Variants in NKAIN2 observed in about 807,000 individuals in gnomAD.
NKAIN2 encodes sodium/potassium transporting ATPase interacting 2, also known as sodium/potassium-transporting ATPase subunit beta-1-interacting protein 2.
Under a neutral mutation model 32.6 loss-of-function variants are expected in NKAIN2, and 14 were observed. The observed-to-expected ratio is 0.43, with a 90% CI of 0.28 to 0.67. NKAIN2 has a LOEUF of 0.67. Ranked by LOEUF, NKAIN2 falls within the 30% of genes least tolerant of loss-of-function variation. The probability of loss-of-function intolerance (pLI) is 0.17; values close to 1 mark genes in which losing one functional copy is unlikely to be tolerated. For synonymous variants in NKAIN2, 80 were observed against 87.2 expected (o/e 0.92, Z 0.46); for missense variants, 198 against 258.3 (o/e 0.77, Z 1.60).
At chr6:124,618,607 G>A (rs527948679) in intron 3 of NKAIN2, among the ~76,000 whole-genome samples, 104 of 152,262 alleles carry the variant, frequency 6.8e-4, no homozygotes, top group African/African-American at 2.4e-3. Context: ...TTCTCCAAAT[G>A]AAAAGAGCCA....
At chr6:124,048,112 G>A (rs1253713278) in intron 1 of NKAIN2, among the ~76,000 whole-genome samples, 1 of 151,936 alleles carries the variant, frequency 6.6e-6, no homozygotes, top group Non-Finnish European at 1.5e-5. Context: ...ATGGCTTCTG[G>A]TGCCTCTTCT....
chr6:123,912,665 G>A (rs1442655523), intron 1 of NKAIN2, among the ~76,000 whole-genome samples: 1 of 152,130 alleles, frequency 6.6e-6, no homozygotes, highest in East Asian at 1.9e-4. Flanking sequence ...GCCAGGTGAT[G>A]CCTACTCCCC....
At chr6:124,067,665 G>A (rs1205362479) in intron 1 of NKAIN2, among the ~76,000 whole-genome samples, 1 of 152,064 alleles carries the variant, frequency 6.6e-6, no homozygotes, top group African/African-American at 2.4e-5. Context: ...ATTTCTCTGT[G>A]TGGTATAGTG....
At chr6:124,203,838 G>T (rs1192182629) in intron 1 of NKAIN2, among the ~76,000 whole-genome samples, 1 of 151,802 alleles carries the variant, frequency 6.6e-6, no homozygotes, top group Non-Finnish European at 1.5e-5. Context: ...TAAGTGTCAC[G>T]AAAGATGAAA....
chr6:123,860,999 C>T (rs1051687658), intron 1 of NKAIN2, among the ~76,000 whole-genome samples: 3 of 152,188 alleles, frequency 2.0e-5, no homozygotes, highest in African/African-American at 7.2e-5. Flanking sequence ...AGGTGTTCTT[C>T]ACAGGTATCC....
rs554874264 is a variant in NKAIN2, at chr6:124,356,457, G to A, written c.273+1110G>A. Among the ~76,000 whole-genome samples the A allele has an allele frequency of 2.0e-4, 31 of 152,276 alleles. 1 individual carries two copies. In the South Asian group the frequency reaches 4.4e-3, roughly 21 times the overall value. Reference sequence around the variant, plus strand: ...CAAAAGATGAAGGATCAAATAGGAGGATGACATCATGATATGAGAGAGAAC... The same window carrying A: ...CAAAAGATGAAGGATCAAATAGGAGAATGACATCATGATATGAGAGAGAAC... On this transcript the variant is annotated intron_variant, in intron 3 of 6. Transcript: ENST00000368417.
At chr6:124,819,878 T>G (rs757113967) in intron 6 of NKAIN2, among the ~76,000 whole-genome samples, 3 of 152,158 alleles carry the variant, frequency 2.0e-5, no homozygotes, top group Non-Finnish European at 2.9e-5. Context: ...AACAGTCTGA[T>G]AGCTCCCCTT....
chr6:124,357,197 G>A (rs1799023569), intron 3 of NKAIN2, among the ~76,000 whole-genome samples: 3 of 151,950 alleles, frequency 2.0e-5, no homozygotes, highest in Non-Finnish European at 4.4e-5. Flanking sequence ...GCTCTGCAGA[G>A]CACATGAAAA....
At position 124,293,430 on chromosome 6, in the gene NKAIN2, C is replaced by T. The variant is rs562628934; in HGVS notation, c.192+10288C>T. Among the ~76,000 whole-genome samples, 17 of 151,834 alleles carry T rather than the reference C, an allele frequency of 1.1e-4. No homozygotes were observed. In the South Asian group the frequency reaches 2.3e-3, roughly 20 times the overall value. On this transcript the variant is annotated intron_variant, in intron 2 of 6. Coordinates refer to ENST00000368417, the MANE Select transcript of NKAIN2 (RefSeq NM_001040214.3). ...TACTTGTAATATTTTTAAAATTATG[C>T]GGCCTTAAGAAAATAAATTGGGGAA...
At chr6:124,336,434 C>CT (rs1015552739) in intron 2 of NKAIN2, among the ~76,000 whole-genome samples, 3 of 152,086 alleles carry the variant, frequency 2.0e-5, no homozygotes, top group Non-Finnish European at 4.4e-5. Flanking sequence ...AGGAAAGGAG[C>CT]TTTTTTCTCC....
chr6:124,050,414 T>C (rs1037577120), intron 1 of NKAIN2, among the ~76,000 whole-genome samples: 2 of 152,032 alleles, frequency 1.3e-5, no homozygotes, highest in Non-Finnish European at 2.9e-5. Flanking sequence ...TGTCACATCC[T>C]TCAGTTGTAT....
At chr6:124,530,192 C>T (rs1195074810) in intron 3 of NKAIN2, among the ~76,000 whole-genome samples, 2 of 152,178 alleles carry the variant, frequency 1.3e-5, no homozygotes, top group African/African-American at 4.8e-5. Flanking sequence ...TACTGATGAC[C>T]AGGAACCTTA....
intron 1 of NKAIN2, among the ~76,000 whole-genome samples, chr6:124,238,152 A>G (rs937701045): frequency 2.6e-5 from 4 of 151,986 alleles, no homozygotes; most frequent in Non-Finnish European, 4.4e-5. Context: ...GAGGGGGTAG[A>G]TGGATAAAGG....
intron 4 of NKAIN2, among the ~76,000 whole-genome samples, chr6:124,704,387 G>A (rs941620165): frequency 7.9e-5 from 12 of 152,020 alleles, no homozygotes; most frequent in African/African-American, 2.7e-4. Flanking sequence ...AACAATGTAA[G>A]TTGAAATTTA....
chr6:124,260,910 T>C (rs768212397), intron 1 of NKAIN2, among the ~76,000 whole-genome samples: 3 of 152,220 alleles, frequency 2.0e-5, no homozygotes, highest in African/African-American at 4.8e-5. Flanking sequence ...TCTACATTTG[T>C]ACTTACATCC....
At chr6:123,863,618 G>A (rs1352409993) in intron 1 of NKAIN2, among the ~76,000 whole-genome samples, 1 of 151,526 alleles carries the variant, frequency 6.6e-6, no homozygotes, top group Non-Finnish European at 1.5e-5. Context: ...TACTATTCAG[G>A]CCCTCTTGGC....
chr6:123,889,938 A>G (rs532844061), intron 1 of NKAIN2, among the ~76,000 whole-genome samples: 2 of 152,076 alleles, frequency 1.3e-5, no homozygotes, highest in Non-Finnish European at 2.9e-5. Context: ...AGTTATTTGT[A>G]AGCCACAATG....
chr6:124,370,164 G>A (rs1028227117), intron 3 of NKAIN2, among the ~76,000 whole-genome samples: 1 of 150,870 alleles, frequency 6.6e-6, no homozygotes, highest in Non-Finnish European at 1.5e-5. Flanking sequence ...TAACCAGGGA[G>A]CAATGTTCAG....
chr6:123,862,281 T>A (rs1001756678), intron 1 of NKAIN2, among the ~76,000 whole-genome samples: 1 of 152,206 alleles, frequency 6.6e-6, no homozygotes, highest in Non-Finnish European at 1.5e-5. Context: ...GTCATTAAAA[T>A]GTCCTTCTCC....
Sources: gnomAD v4.1 joint callset for allele counts (sites outside exome capture counted in the v4.1 genomes callset) on GRCh38, gnomAD v4.1.1 for gene constraint, MANE v1.5 for transcripts, NCBI Gene and HGNC (gene_info 2026-07-23, HGNC 2026-07-21) for gene names.